Variants in ERBB4 observed in about 807,000 individuals in gnomAD.
The protein encoded by ERBB4 is erb-b2 receptor tyrosine kinase 4, also known as receptor tyrosine-protein kinase erbB-4.
ERBB4 carries 42 observed loss-of-function variants against 158.0 expected under a neutral mutation model. The observed-to-expected ratio is 0.27, with a 90% confidence interval of 0.21 to 0.34. The LOEUF (loss-of-function observed/expected upper bound fraction) is 0.34. ERBB4 is among the 10% of genes least tolerant of loss of function. ERBB4 has a pLI of 1.00. For synonymous variants in ERBB4, 583 were observed against 558.7 expected (o/e 1.04, Z -0.61); for missense variants, 1,333 against 1,624.1 (o/e 0.82, Z 3.08).
At chr2:211,831,876 C>T (rs1489565729) in intron 3 of ERBB4, among the ~76,000 whole-genome samples, 1 of 151,834 alleles carries the variant, frequency 6.6e-6, no homozygotes, top group Non-Finnish European at 1.5e-5. Context: ...GCACTCCAAC[C>T]TGGGCAACAA....
At chr2:211,917,317 G>GAA (rs11464744) in intron 3 of ERBB4, among the ~76,000 whole-genome samples, 42 of 151,092 alleles carry the variant, frequency 2.8e-4, no homozygotes, top group East Asian at 7.8e-4. Flanking sequence ...CAGAGATATG[G>GAA]AAAAAAAAAT....
chr2:211,825,858 T>C (rs1266547910), intron 3 of ERBB4, among the ~76,000 whole-genome samples: 1 of 147,570 alleles, frequency 6.8e-6, no homozygotes, highest in Non-Finnish European at 1.5e-5. Context: ...TTTTATTATA[T>C]TATATTAATC....
chr2:211,620,303 T>G (rs2069550408), intron 18 of ERBB4, among the ~76,000 whole-genome samples: 1 of 152,142 alleles, frequency 6.6e-6, no homozygotes, highest in African/African-American at 2.4e-5. Context: ...AATGAAAGAA[T>G]GAAAAATAAT....
chr2:211,743,938 C>G (rs561683301), intron 5 of ERBB4, among the ~76,000 whole-genome samples: 3 of 152,258 alleles, frequency 2.0e-5, no homozygotes, highest in South Asian at 4.1e-4. Context: ...TCATGGTGCT[C>G]TAACATCCAG....
intron 1 of ERBB4, among the ~76,000 whole-genome samples, chr2:212,335,470 T>C (rs1017700496): frequency 6.6e-6 from 1 of 151,986 alleles, no homozygotes. Flanking sequence ...GAAAATTGCA[T>C]CTATGTCAAG....
chr2:211,942,403 C>T (rs1184670394), intron 3 of ERBB4, among the ~76,000 whole-genome samples: 1 of 151,504 alleles, frequency 6.6e-6, no homozygotes, highest in Non-Finnish European at 1.5e-5. Context: ...GCCATCCAGG[C>T]TGGAGTGCAG....
chr2:212,379,168 G>C (rs543574009), intron 1 of ERBB4, among the ~76,000 whole-genome samples: 1 of 151,706 alleles, frequency 6.6e-6, no homozygotes, highest in Non-Finnish European at 1.5e-5. Context: ...TATCTAAAGA[G>C]GGGGAACAAA....
At chr2:212,142,029 T>G (rs1437975468) in intron 1 of ERBB4, among the ~76,000 whole-genome samples, 1 of 152,146 alleles carries the variant, frequency 6.6e-6, no homozygotes, top group South Asian at 2.1e-4. Flanking sequence ...TCTCCTAGGA[T>G]GTTTCACTTA....
intron 21 of ERBB4, 87 bp downstream of exon 21, chr2:211,430,858 C>G: frequency 8.6e-7 from 1 of 1,162,456 alleles, no homozygotes; most frequent in Non-Finnish European, 1.3e-6. Context: ...AAGCTTCAGG[C>G]TTATTGGTTT....
chr2:212,120,848 A>G (rs768712327), intron 2 of ERBB4, among the ~76,000 whole-genome samples: 5 of 152,198 alleles, frequency 3.3e-5, no homozygotes, highest in Non-Finnish European at 7.4e-5. Flanking sequence ...TGTCTATAAT[A>G]GGTATATACA....
rs952718491 is a variant in ERBB4 at position 211,590,709 on chromosome 2, C to T, written c.2301+28468G>A. 2.6e-5 allele frequency among the ~76,000 whole-genome samples: 4 copies of T among 152,156 alleles called. No individual in the cohort carries two copies. In the South Asian group the frequency reaches 8.3e-4, roughly 32 times the overall value. On this transcript the variant is annotated intron_variant, in intron 19 of 27. Coordinates refer to ENST00000342788, the MANE Select transcript of ERBB4 (RefSeq NM_005235.3). ...GAGTAACGATAAAACTCTGGTTTCC[C>T]GCTCAGCTGGCTCTGCGTTAATTAC...
intron 1 of ERBB4, among the ~76,000 whole-genome samples, chr2:212,374,105 CA>C (rs2090236843): frequency 7.3e-6 from 1 of 137,532 alleles, no homozygotes; most frequent in African/African-American, 2.8e-5. Context: ...TATATATATA[CA>C]CACACATATA....
intron 3 of ERBB4, among the ~76,000 whole-genome samples, chr2:211,910,397 C>T (rs1421691021): frequency 6.6e-6 from 1 of 150,484 alleles, no homozygotes; most frequent in African/African-American, 2.4e-5. Flanking sequence ...CCTTTCTCTT[C>T]CTGTGTTAGT....
intron 4 of ERBB4, among the ~76,000 whole-genome samples, chr2:211,771,875 G>C (rs1005973313): frequency 1.3e-5 from 2 of 152,072 alleles, no homozygotes; most frequent in Non-Finnish European, 2.9e-5. Flanking sequence ...TACCTTTACA[G>C]GGCTGTTCAT....
At chr2:212,418,530 A>AC (rs961426053) in intron 1 of ERBB4, among the ~76,000 whole-genome samples, 2 of 150,308 alleles carry the variant, frequency 1.3e-5, no homozygotes, top group African/African-American at 4.9e-5. Flanking sequence ...AATAAAATAA[A>AC]ATAAACATAT....
intron 3 of ERBB4, among the ~76,000 whole-genome samples, chr2:211,915,053 A>T (rs1201186204): frequency 6.6e-6 from 1 of 152,134 alleles, no homozygotes; most frequent in Non-Finnish European, 1.5e-5. Context: ...CAAAGATTTC[A>T]GGTCTGAAGG....
At chr2:211,510,549 A>T (rs1487844547) in intron 20 of ERBB4, among the ~76,000 whole-genome samples, 1 of 152,100 alleles carries the variant, frequency 6.6e-6, no homozygotes, top group Non-Finnish European at 1.5e-5. Context: ...CACTAAAATG[A>T]ACCCTGTTCT....
intron 2 of ERBB4, among the ~76,000 whole-genome samples, chr2:211,986,787 C>A (rs2081947538): frequency 6.6e-6 from 1 of 152,154 alleles, no homozygotes; most frequent in African/African-American, 2.4e-5. Context: ...TGATTTGGGG[C>A]TGTTTAATTG....
intron 1 of ERBB4, among the ~76,000 whole-genome samples, chr2:212,365,841 TGAG>T (rs1298107004): frequency 2.6e-5 from 4 of 151,864 alleles, no homozygotes; most frequent in South Asian, 2.1e-4. Flanking sequence ...AAGTACATAC[TGAG>T]GAGAACAGGT....
Sources: allele counts gnomAD v4.1 joint callset (sites outside exome capture counted in the v4.1 genomes callset), GRCh38; gene constraint gnomAD v4.1.1; transcripts MANE v1.5; gene names NCBI Gene and HGNC (gene_info 2026-07-23, HGNC 2026-07-21).